Variants in DDIAS observed in about 807,000 individuals in gnomAD.
DDIAS encodes the protein DNA damage induced apoptosis suppressor.
Under a neutral mutation model 15.7 loss-of-function variants are expected in DDIAS, and 14 were observed. That is an observed-to-expected ratio of 0.89 (90% confidence interval 0.59 to 1.39). The LOEUF (loss-of-function observed/expected upper bound fraction) is 1.39. DDIAS is among the 40% of genes most tolerant of loss of function. DDIAS has a pLI of 0.00. For missense variants in DDIAS, 1,035 were observed against 1,130.9 expected, an observed-to-expected ratio of 0.92 and a Z score of 1.22; for synonymous variants, 355 against 395.9, an observed-to-expected ratio of 0.90 and a Z score of 1.23.
intron 1 of DDIAS, among the ~76,000 whole-genome samples, chr11:82,903,543 A>G (rs946554497): frequency 6.6e-6 from 1 of 152,090 alleles, no homozygotes; most frequent in Non-Finnish European, 1.5e-5. Flanking sequence ...TTTCATCAGT[A>G]TTTCTCCTTT....
intron 1 of DDIAS, among the ~76,000 whole-genome samples, chr11:82,905,541 T>C (rs1448064098): frequency 1.3e-5 from 2 of 152,292 alleles, no homozygotes; most frequent in East Asian, 3.9e-4. Flanking sequence ...TTATATACTT[T>C]CCTAACTATC....
Position 82,932,619 on chromosome 11 carries a change from A to C in DDIAS, c.1281A>C (p.Ala427=), listed in dbSNP as rs778731737. 1.2e-6 allele frequency: 2 copies of C among 1,614,092 alleles called. No individual in the cohort carries two copies. The highest frequency in any genetic ancestry group is 3.3e-5 in the Admixed American group (2 of 60,008). The change falls in exon 6 of 6, where the codon GCA becomes GCC. Residue 427 remains alanine, a synonymous_variant. Transcript: ENST00000533655. ...CTGAAAGCCTGAACAAGTTTCTGGC[A>C]GTTCTTGAAAGTGAGATTGCTGTAA... The part of the protein sequence containing the change: ...PFSESLNKFL[A]VLESEIAVTQ...
At chr11:82,929,442 G>C (rs971289102) in intron 4 of DDIAS, among the ~76,000 whole-genome samples, 1 of 152,136 alleles carries the variant, frequency 6.6e-6, no homozygotes, top group Non-Finnish European at 1.5e-5. Context: ...GGTAGCTCAC[G>C]CCTGTAATCC....
intron 1 of DDIAS, among the ~76,000 whole-genome samples, chr11:82,902,196 A>G (rs1401049987): frequency 6.6e-6 from 1 of 152,198 alleles, no homozygotes; most frequent in Non-Finnish European, 1.5e-5. Flanking sequence ...CCAAAATGCT[A>G]TGATGGCTTA....
At position 82,914,801 on chromosome 11, in the gene DDIAS, A is replaced by G. The variant is rs150528544; in HGVS notation, c.63A>G (p.Ile21Met). 1 of 1,611,060 alleles carries G rather than the reference A, an allele frequency of 6.2e-7. No homozygotes were observed. The highest frequency in any genetic ancestry group is 1.3e-5 in the African/African-American group (1 of 74,830). ...SVLALQNSSF[I>M]YPSCQKCFSR... is the part of the protein sequence containing the mutation. ...TTGCTCTCCAGAATTCAAGTTTTAT[A>G]TATCCATCATGTCAGAAGTGCTTCT... The change falls in exon 3 of 6, where the codon ATA (isoleucine) becomes ATG (methionine). Residue 21 changes from isoleucine to methionine, a missense_variant. Transcript: ENST00000533655.
chr11:82,907,950 G>A (rs949465220), intron 1 of DDIAS, among the ~76,000 whole-genome samples: 1 of 152,174 alleles, frequency 6.6e-6, no homozygotes, highest in Non-Finnish European at 1.5e-5. Flanking sequence ...ATGAAACTTA[G>A]GCTAGTGATG....
intron 3 of DDIAS, among the ~76,000 whole-genome samples, chr11:82,926,431 TAAAC>T (rs1860864395): frequency 6.6e-6 from 1 of 152,130 alleles, no homozygotes; most frequent in Non-Finnish European, 1.5e-5. Flanking sequence ...ACTATTCACA[TAAAC>T]AAAACTCTTT....
chr11:82,909,990 C>A (rs1281322263), intron 1 of DDIAS, among the ~76,000 whole-genome samples: 1 of 152,160 alleles, frequency 6.6e-6, no homozygotes, highest in African/African-American at 2.4e-5. Context: ...CATCTCCCTT[C>A]CATAGTCACC....
intron 3 of DDIAS, among the ~76,000 whole-genome samples, chr11:82,925,124 A>G (rs1400648315): frequency 6.6e-6 from 1 of 152,232 alleles, no homozygotes; most frequent in Non-Finnish European, 1.5e-5. Flanking sequence ...AGATTTGCAA[A>G]ATGTAAAACA....
intron 2 of DDIAS, chr11:82,914,025 A>G (rs1441297743): frequency 2.5e-6 from 1 of 402,224 alleles, no homozygotes; most frequent in Non-Finnish European, 4.8e-6. Context: ...CAACCTCCGC[A>G]TCCTAGGTTC....
At chr11:82,906,588 AT>A (rs2121313250) in intron 1 of DDIAS, among the ~76,000 whole-genome samples, 1 of 152,214 alleles carries the variant, frequency 6.6e-6, no homozygotes, top group East Asian at 1.9e-4. Context: ...AGTTTATTAC[AT>A]TTCCTAAAGT....
chr11:82,930,270 T>C lies in DDIAS; in HGVS notation c.389T>C (p.Val130Ala), dbSNP rs138860115. Residue 130 changes from valine (V) to alanine (A), a missense_variant, in exon 5 of 6, where the codon GTG (valine) becomes GCG (alanine). Coordinates refer to ENST00000533655, the MANE Select transcript of DDIAS (RefSeq NM_145018.4). ...CFVGQSFIFG[V>A]TNFENQPGQG... is the part of the protein sequence containing the mutation. ...GTTGGACAAAGCTTTATTTTTGGAG[T>C]GACGGTAATTGAGACTAGCTTTCTT... 950 of 1,521,720 alleles carry C rather than the reference T, an allele frequency of 6.2e-4. 10 individuals are homozygous for C. The African/African-American group carries it at 0.011, about 18-fold the overall frequency. The allele number at this position is 1,521,720 out of a possible 1,614,324, so 94.3% of individuals were successfully genotyped here. A position where few individuals can be genotyped will look rare whatever the true frequency, so the allele number is the denominator to read the frequency against.
rs1565252067 is a variant in DDIAS at position 82,932,765 on chromosome 11, C to T, written c.1427C>T (p.Pro476Leu). The part of the protein sequence containing the change: ...QRTTGALHTP[P>L]IALRSSQVIV... ...ACTACTGGAGCCCTGCATACACCAC[C>T]TATAGCTTTAAGATCATCACAAGTA... The change falls in exon 6 of 6, where the codon CCT becomes CTT. Residue 476 changes from proline to leucine, a missense_variant. Physicochemically the swap from Pro to Leu is moderately conservative, Grantham distance 98. Transcript: ENST00000533655. The T allele has an allele frequency of 6.2e-7, 1 of 1,614,020 alleles. No homozygotes were observed. Among genetic ancestry groups the T allele is most frequent in the East Asian group, 2.2e-5 (1 of 44,884 alleles).
intron 3 of DDIAS, among the ~76,000 whole-genome samples, chr11:82,916,505 T>TA (rs11399727): frequency 0.074 from 11,311 of 152,234 alleles, 902 homozygotes; most frequent in African/African-American, 0.19. Context: ...AATAGGTTAA[T>TA]ATACATAACA....
chr11:82,910,606 CTTTTTTTTTT>C (rs869173859), intron 1 of DDIAS, among the ~76,000 whole-genome samples: 36 of 89,102 alleles, frequency 4.0e-4, no homozygotes, highest in African/African-American at 7.5e-4. Flanking sequence ...CTCTCTCTCT[CTTTTTTTTTT>C]TTTTTTTTTT....
intron 1 of DDIAS, among the ~76,000 whole-genome samples, chr11:82,908,968 G>A (rs1024606915): frequency 9.2e-5 from 14 of 152,094 alleles, no homozygotes; most frequent in Non-Finnish European, 2.1e-4. Flanking sequence ...CTATTTTATG[G>A]AATAAAGTAT....
In DDIAS at chr11:82,932,047, A is replaced by G; in HGVS notation, c.709A>G (p.Lys237Glu). 2 of 1,614,066 alleles carry G rather than the reference A, an allele frequency of 1.2e-6. No homozygotes were observed. Among genetic ancestry groups the G allele is most frequent in the Non-Finnish European group, 1.7e-6 (2 of 1,179,988 alleles). ...FKSCSKDTFS[K>E]FWQPSLEFTC... ...GTCCTGCAGCAAGGATACTTTTTCA[A>G]AATTCTGGCAGCCATCACTTGAATT... Residue 237 changes from lysine (K) to glutamate (E), a missense_variant, in exon 6 of 6, where the codon AAA (lysine) becomes GAA (glutamate). Lys to Glu is a moderately conservative substitution (Grantham distance 56, BLOSUM62 1). Transcript: ENST00000533655.
At chr11:82,904,367 A>T (rs575824963) in intron 1 of DDIAS, among the ~76,000 whole-genome samples, 6 of 152,354 alleles carry the variant, frequency 3.9e-5, no homozygotes, top group African/African-American at 1.4e-4. Flanking sequence ...ATGTGCATGT[A>T]TGGGCACGGT....
chr11:82,934,000 T>A lies in DDIAS; in HGVS notation c.2662T>A (p.Cys888Ser). 6.2e-7 allele frequency: 1 copy of A among 1,613,652 alleles called. No homozygotes were observed. The highest frequency in any genetic ancestry group is 8.5e-7 in the Non-Finnish European group (1 of 1,179,940). ...LGFQGIGLGK[C>S]LAAYHFPDQQ... ...ATTCCAAGGCATAGGTCTAGGGAAA[T>A]GCCTTGCTGCCTATCATTTCCCTGA... The change falls in exon 6 of 6, where the codon TGC becomes AGC. Residue 888 changes from cysteine (C) to serine (S), a missense_variant. By Grantham distance (112) the Cys-to-Ser change is moderately radical (BLOSUM62 -1). Transcript: ENST00000533655.
Sources: allele counts gnomAD v4.1 joint callset (sites outside exome capture counted in the v4.1 genomes callset), GRCh38; gene constraint gnomAD v4.1.1; transcripts MANE v1.5; gene names NCBI Gene and HGNC (gene_info 2026-07-23, HGNC 2026-07-21).